Variants in APOL5 observed in about 807,000 individuals in gnomAD.
The protein encoded by APOL5 is apolipoprotein L5.
In APOL5, 29 loss-of-function variants were observed where a neutral mutation model predicts 35.5. The observed-to-expected ratio is 0.82, with a 90% CI of 0.61 to 1.11. APOL5 has a LOEUF of 1.11. Ranked by LOEUF, APOL5 falls within the 50% of genes most tolerant of loss-of-function variation. The pLI is 0.00. For synonymous variants in APOL5, 188 were observed against 200.2 expected, an observed-to-expected ratio of 0.94 and a Z score of 0.51; for missense variants, 514 against 530.4, an observed-to-expected ratio of 0.97 and a Z score of 0.30.
intron 1 of APOL5, among the ~76,000 whole-genome samples, chr22:35,719,922 G>A (rs989778562): frequency 5.9e-5 from 9 of 152,232 alleles, no homozygotes; most frequent in Non-Finnish European, 1.2e-4. Context: ...GCCAGAAAGG[G>A]GATGGAGTGG....
upstream of APOL5, among the ~76,000 whole-genome samples, chr22:35,717,510 C>T (rs971702521): frequency 4.0e-5 from 6 of 150,612 alleles, no homozygotes; most frequent in East Asian, 1.9e-4. Context: ...GAGGCCAAGG[C>T]GGGCGGATCA....
chr22:35,708,842 T>G, the APOL5 span, among the ~76,000 whole-genome samples: 1 of 152,196 alleles, frequency 6.6e-6, no homozygotes, highest in Non-Finnish European at 1.5e-5. Context: ...GTTACTGTCA[T>G]GTTGTGGGGA....
chr22:35,716,120 C>T (rs997851254), upstream of APOL5, among the ~76,000 whole-genome samples: 1 of 152,060 alleles, frequency 6.6e-6, no homozygotes, highest in Non-Finnish European at 1.5e-5. Context: ...AAAAAGAAAA[C>T]AATATTAACA....
rs746863986 is a variant in APOL5 at position 35,726,965 on chromosome 22, T to C, written c.897T>C (p.Ala299=). The change falls in exon 3 of 5, where the codon GCT becomes GCC. Residue 299 remains alanine (A), a synonymous_variant. Coordinates refer to ENST00000249044, the MANE Select transcript of APOL5 (RefSeq NM_030642.1). The part of the protein sequence containing the change: ...NGAWVMGAAG[A]GFLLMKDMSS... ...CCTGGGTGATGGGTGCTGCTGGGGCTGGCTTCTTACTTATGAAAGACATGA... is the reference window on the plus strand; with the variant it reads ...CCTGGGTGATGGGTGCTGCTGGGGCCGGCTTCTTACTTATGAAAGACATGA... 2.4e-5 allele frequency: 38 copies of C among 1,614,084 alleles called. No homozygotes were observed. Among genetic ancestry groups the C allele is most frequent in the Non-Finnish European group, 3.2e-5 (38 of 1,180,034 alleles).
chr22:35,720,751 T>C (rs1246487464), intron 2 of APOL5, 97 bp downstream of exon 2: 3 of 885,062 alleles, frequency 3.4e-6, no homozygotes, highest in Non-Finnish European at 5.3e-6. Context: ...TATTTGGGTT[T>C]TGTTTTGTTT....
chr22:35,725,587 G>A (rs1474044202), intron 2 of APOL5, among the ~76,000 whole-genome samples: 1 of 152,030 alleles, frequency 6.6e-6, no homozygotes, highest in African/African-American at 2.4e-5. Context: ...ATAATTTGGT[G>A]GGTAAGGGTC....
Position 35,720,844 on chromosome 22 carries a change from C to T in APOL5, c.142+190C>T, listed in dbSNP as rs140020632. Among the ~76,000 whole-genome samples the T allele has an allele frequency of 4.8e-3, 732 of 152,302 alleles. 4 individuals carry two copies. The highest frequency in any genetic ancestry group is 0.017 in the Middle Eastern group (5 of 294). Reference sequence around the variant, plus strand: ...CACTGCAACCTCTGCCTCCCAGGTTCAAGTGATTCTCCTGCCTCAGCCTCA... The same window carrying T: ...CACTGCAACCTCTGCCTCCCAGGTTTAAGTGATTCTCCTGCCTCAGCCTCA... On this transcript the variant is annotated intron_variant, in intron 2 of 4. Transcript: ENST00000249044.
upstream of APOL5, among the ~76,000 whole-genome samples, chr22:35,712,967 G>C (rs1926635222): frequency 6.6e-6 from 1 of 152,164 alleles, no homozygotes; most frequent in Non-Finnish European, 1.5e-5. Context: ...AACCAATCCG[G>C]ATTCACTGCC....
chr22:35,717,818 G>A, upstream of APOL5: 2 of 1,311,556 alleles, frequency 1.5e-6, no homozygotes, highest in Non-Finnish European at 1.0e-6. Flanking sequence ...GCATGGAGAA[G>A]GGAGTCATAT....
At chr22:35,715,896 A>C (rs1926729240), upstream of APOL5, among the ~76,000 whole-genome samples, 1 of 152,218 alleles carries the variant, frequency 6.6e-6, no homozygotes, top group South Asian at 2.1e-4. Flanking sequence ...AGAGCAAAGA[A>C]ATAAAAAGCA....
chr22:35,717,235 A>AAAAAATATATATATATATATATATAT, upstream of APOL5, among the ~76,000 whole-genome samples: 1 of 57,664 alleles, frequency 1.7e-5, no homozygotes, highest in African/African-American at 8.0e-5. Flanking sequence ...AAAAAAAAAA[A>AAAAAATATATATATATATATATATAT]ATATATATAT....
Position 35,729,448 on chromosome 22 carries a change from A to G in APOL5, c.*101A>G, listed in dbSNP as rs1927291231. On this transcript the variant is annotated 3_prime_UTR_variant, in exon 5 of 5. Transcript: ENST00000249044. Reference sequence around the variant, plus strand: ...GGGGGTAGGGAAACTTCTAGTGGCAATGATAAAACCAGCAGCAATGATAAT... The same window carrying G: ...GGGGGTAGGGAAACTTCTAGTGGCAGTGATAAAACCAGCAGCAATGATAAT... The G allele has an allele frequency of 6.6e-6, 1 of 152,224 alleles. No homozygotes were observed. The highest frequency in any genetic ancestry group is 2.4e-5 in the African/African-American group (1 of 41,408). 9.4% of individuals were successfully genotyped at this position (152,224 alleles called of 1,614,324 possible).
upstream of APOL5, among the ~76,000 whole-genome samples, chr22:35,715,065 C>T (rs925880780): frequency 2.6e-5 from 4 of 152,164 alleles, no homozygotes; most frequent in African/African-American, 7.2e-5. Flanking sequence ...TAATCAAACA[C>T]AAGATGATGT....
At chr22:35,727,449 G>A (rs574803829) in intron 3 of APOL5, among the ~76,000 whole-genome samples, 1 of 152,280 alleles carries the variant, frequency 6.6e-6, no homozygotes, top group Non-Finnish European at 1.5e-5. Context: ...GTGTTTGTGG[G>A]GGTGCTCCCT....
chr22:35,714,333 A>G (rs1926677410), upstream of APOL5, among the ~76,000 whole-genome samples: 1 of 151,952 alleles, frequency 6.6e-6, no homozygotes, highest in Admixed American at 6.6e-5. Context: ...AATAAATAAA[A>G]ATCTGCGTTA....
the APOL5 span, among the ~76,000 whole-genome samples, chr22:35,711,957 G>A: frequency 6.6e-5 from 10 of 152,108 alleles, no homozygotes; most frequent in Non-Finnish European, 1.5e-4. Context: ...TTACAGGTGT[G>A]AGCCACCGCG....
At chr22:35,727,277 G>A in intron 3 of APOL5, 83 bp downstream of exon 3, 6 of 1,523,908 alleles carry the variant, frequency 3.9e-6, no homozygotes, top group African/African-American at 1.4e-5. Context: ...AATGCTAAAC[G>A]GACACATCAG....
upstream of APOL5, among the ~76,000 whole-genome samples, chr22:35,716,732 C>T (rs1926755671): frequency 7.0e-6 from 1 of 143,576 alleles, no homozygotes; most frequent in South Asian, 2.4e-4. Context: ...CCTACTCCTA[C>T]ATCACATATA....
chr22:35,722,810 G>T (rs755604053), intron 2 of APOL5, among the ~76,000 whole-genome samples: 1 of 152,162 alleles, frequency 6.6e-6, no homozygotes, highest in Non-Finnish European at 1.5e-5. Context: ...ATGTGTCACC[G>T]TGATTCTCCC....
Sources: gnomAD v4.1 joint callset for allele counts (sites outside exome capture counted in the v4.1 genomes callset) on GRCh38, gnomAD v4.1.1 for gene constraint, MANE v1.5 for transcripts, NCBI Gene and HGNC (gene_info 2026-07-23, HGNC 2026-07-21) for gene names.